FSTL1: variants seen among roughly 807,000 people sequenced by gnomAD.
The protein encoded by FSTL1 is follistatin-related protein 1.
A neutral mutation model predicts 45.9 loss-of-function variants in FSTL1; 24 were observed. The observed-to-expected ratio is 0.52, with a 90% CI of 0.38 to 0.74. The LOEUF (loss-of-function observed/expected upper bound fraction) is 0.74, where lower values mean the gene tolerates loss of function less well. Among genes scored for constraint, FSTL1 ranks in the 30% least tolerant of loss-of-function variants. The pLI is 0.00. For missense variants in FSTL1, 340 were observed against 381.8 expected, an observed-to-expected ratio of 0.89 and a Z score of 0.91; for synonymous variants, 120 against 137.6, an observed-to-expected ratio of 0.87 and a Z score of 0.89.
chr3:120,404,957 A>C lies in FSTL1; in HGVS notation c.477T>G (p.Gly159=). The C allele has an allele frequency of 6.3e-7, 1 of 1,577,182 alleles. No individual in the cohort carries two copies. ...ATTCACTGGAGTCCAGGCGAGAATCACCATTATCAAAGTTCTAGAAAGGGC... is the reference window on the plus strand; with the variant it reads ...ATTCACTGGAGTCCAGGCGAGAATCCCCATTATCAAAGTTCTAGAAAGGGC... ...LDKYFKNFDN[G]DSRLDSSEFL... Residue 159 remains glycine (G), a synonymous_variant, in exon 7 of 11, where the codon GGT becomes GGG. Transcript: ENST00000295633.
chr3:120,444,012 T>C (rs1937684484), intron 2 of FSTL1, among the ~76,000 whole-genome samples: 1 of 149,988 alleles, frequency 6.7e-6, no homozygotes, highest in East Asian at 1.9e-4. Flanking sequence ...TTCATCAGAA[T>C]AGCCAAGAAA....
chr3:120,410,785 T>C (rs1484955216), intron 5 of FSTL1, 167 bp downstream of exon 5: 2 of 725,268 alleles, frequency 2.8e-6, no homozygotes, highest in Non-Finnish European at 5.1e-6. Context: ...TACACAAATG[T>C]AGTTTTGCAG....
At chr3:120,409,885 CAGAG>C (rs1232329142) in intron 5 of FSTL1, 1 of 369,950 alleles carries the variant, frequency 2.7e-6, no homozygotes, top group Admixed American at 4.4e-5. Context: ...AATATTGAAA[CAGAG>C]AGATTTTGCT....
At chr3:120,442,255 G>T (rs186617244) in intron 2 of FSTL1, among the ~76,000 whole-genome samples, 8 of 152,286 alleles carry the variant, frequency 5.3e-5, no homozygotes, top group African/African-American at 1.7e-4. Context: ...AAGTGACTTC[G>T]GGGAGGTTAA....
In FSTL1 at chr3:120,402,928, C is replaced by A. The variant is rs201107663; in HGVS notation, c.695-10G>T. ...TCCTCCAGGGCACACTCTGTTGGGC[C>A]AGAAATACGGGGCAACAGTTTAGCT... is the stretch of plus-strand genomic sequence containing the variant. On this transcript the variant is annotated splice_polypyrimidine_tract_variant and intron_variant, in intron 8 of 10. Coordinates refer to ENST00000295633, the MANE Select transcript of FSTL1 (RefSeq NM_007085.5). 3.2e-6 allele frequency: 5 copies of A among 1,540,986 alleles called. 1 individual carries two copies. In the South Asian group the frequency reaches 3.3e-5, roughly 10 times the overall value.
chr3:120,411,164 T>C, intron 4 of FSTL1, 180 bp from the exon 5 acceptor site: 1 of 541,718 alleles, frequency 1.8e-6, no homozygotes, highest in Non-Finnish European at 3.4e-6. Flanking sequence ...GGATCTTCTG[T>C]CTCCTGCTTT....
chr3:120,423,279 C>CTGTAACATTCACATG (rs1937316059), intron 2 of FSTL1: 1 of 151,950 alleles, frequency 6.6e-6, no homozygotes, highest in African/African-American at 2.4e-5. Flanking sequence ...CACATGTCAT[C>CTGTAACATTCACATG]TCTGGAATGC....
Position 120,440,004 on chromosome 3 carries a change from C to T in FSTL1, c.63+10680G>A, listed in dbSNP as rs193174155. Among the ~76,000 whole-genome samples the T allele has an allele frequency of 1.5e-3, 222 of 152,256 alleles. 2 individuals carry two copies. The highest frequency in any genetic ancestry group is 6.7e-3 in the Admixed American group (103 of 15,294). On this transcript the variant is annotated intron_variant, in intron 2 of 10. Transcript: ENST00000295633. ...TGGCACATGCCTGTAGTCCCAGCTA[C>T]TCTGGAGGCTGAGGTGGAAGGATTG...
chr3:120,437,352 A>C (rs758569305), intron 2 of FSTL1, among the ~76,000 whole-genome samples: 6 of 152,222 alleles, frequency 3.9e-5, no homozygotes, highest in Non-Finnish European at 7.3e-5. Context: ...TGCACTTATT[A>C]AATTCATTAA....
intron 2 of FSTL1, among the ~76,000 whole-genome samples, chr3:120,426,493 A>G (rs1282076628): frequency 2.0e-5 from 3 of 152,054 alleles, no homozygotes; most frequent in Non-Finnish European, 4.4e-5. Flanking sequence ...CACTCCACCC[A>G]TTTTTGCCTT....
chr3:120,403,871 A>G (rs1936878541), intron 7 of FSTL1, among the ~76,000 whole-genome samples: 1 of 140,282 alleles, frequency 7.1e-6, no homozygotes, highest in Admixed American at 7.4e-5. Flanking sequence ...CAGTGAGCCG[A>G]GATCCCGCCA....
intron 2 of FSTL1, among the ~76,000 whole-genome samples, chr3:120,441,687 C>T (rs185254890): frequency 2.9e-4 from 44 of 152,354 alleles, no homozygotes; most frequent in African/African-American, 8.7e-4. Context: ...CACACACACA[C>T]GCACCCATGG....
At chr3:120,450,615 C>T (rs1937871796) in intron 2 of FSTL1, 69 bp downstream of exon 2, 1 of 1,078,958 alleles carries the variant, frequency 9.3e-7, no homozygotes, top group African/African-American at 1.7e-5. Flanking sequence ...GGACGCGCGC[C>T]CACCCGCCCA....
chr3:120,407,494 A>C (rs745553335), intron 6 of FSTL1, among the ~76,000 whole-genome samples: 1 of 152,250 alleles, frequency 6.6e-6, no homozygotes. Flanking sequence ...CAGTGACTAC[A>C]TCACTGGTTA....
chr3:120,402,677 G>C, intron 9 of FSTL1, 131 bp downstream of exon 9: 1 of 665,754 alleles, frequency 1.5e-6, no homozygotes, highest in Non-Finnish European at 2.8e-6. Flanking sequence ...CCTTACAGGT[G>C]TGGGTCTGCC....
chr3:120,436,511 G>C (rs1370032948), intron 2 of FSTL1, among the ~76,000 whole-genome samples: 1 of 152,208 alleles, frequency 6.6e-6, no homozygotes, highest in Non-Finnish European at 1.5e-5. Context: ...CCCTTCTGTG[G>C]AACAGGAGGC....
chr3:120,411,684 G>C (rs534864011), intron 4 of FSTL1, among the ~76,000 whole-genome samples, 170 bp downstream of exon 4: 2 of 152,366 alleles, frequency 1.3e-5, no homozygotes, highest in South Asian at 4.1e-4. Context: ...GGCAAACCCA[G>C]CAGGCTCATA....
At chr3:120,407,497 AC>A (rs1291757513) in intron 6 of FSTL1, among the ~76,000 whole-genome samples, 4 of 152,218 alleles carry the variant, frequency 2.6e-5, no homozygotes, top group Admixed American at 2.0e-4. Flanking sequence ...TGACTACATC[AC>A]TGGTTATGGT....
chr3:120,395,452 C>A lies in FSTL1; in HGVS notation c.*1500G>T. On this transcript the variant is annotated 3_prime_UTR_variant, in exon 11 of 11. Transcript: ENST00000295633. ...TGTTGAATCTGAAACTTTCTTTTAT[C>A]CTCATCTCTAAGGGAATGCTTTCTA... 2.8e-6 allele frequency: 1 copy of A among 354,488 alleles called. No homozygotes were observed. The allele number at this position is 354,488 out of a possible 1,614,324, so 22.0% of individuals were successfully genotyped here. A position where few individuals can be genotyped will look rare whatever the true frequency, so the allele number is the denominator to read the frequency against.
Sources: gnomAD v4.1 joint callset for allele counts (sites outside exome capture counted in the v4.1 genomes callset) on GRCh38, gnomAD v4.1.1 for gene constraint, MANE v1.5 for transcripts, NCBI Gene and HGNC (gene_info 2026-07-23, HGNC 2026-07-21) for gene names.